The following BRPF1 variants were observed in gnomAD, a reference collection of about 807,000 sequenced individuals.
The protein encoded by BRPF1 is peregrin.
In BRPF1, 15 loss-of-function variants were observed where a neutral mutation model predicts 115.0. The ratio of observed to expected loss-of-function variants is 0.13; its 90% CI spans 0.09 to 0.20. The LOEUF is 0.20. Ranked by LOEUF, BRPF1 falls within the 10% of genes least tolerant of loss-of-function variation. The pLI is 1.00. For synonymous variants in BRPF1, 647 were observed against 619.8 expected (o/e 1.04, Z -0.65); for missense variants, 1,118 against 1,638.3 (o/e 0.68, Z 5.48).
At position 9,741,063 on chromosome 3, in the gene BRPF1, C is replaced by T. The variant is rs2077020856; in HGVS notation, c.1722+122C>T. 7 of 1,154,964 alleles carry T rather than the reference C, an allele frequency of 6.1e-6. No homozygotes were observed. The Admixed American group carries it at 9.0e-5, about 15-fold the overall frequency. The allele number at this position is 1,154,964 out of a possible 1,614,324, so 71.5% of individuals were successfully genotyped here. On this transcript the variant is annotated intron_variant, in intron 4 of 13. Coordinates refer to ENST00000383829, the MANE Select transcript of BRPF1 (RefSeq NM_001003694.2). ...CTCTTTCCTCCTTTAAGCTAGCCCT[C>T]AAACCAGGATCAGCATGGAATGTTC...
chr3:9,734,179 C>T lies in BRPF1; in HGVS notation c.39C>T (p.Asn13=), dbSNP rs2076900708. The T allele has an allele frequency of 1.9e-6, 3 of 1,612,416 alleles. No individual in the cohort carries two copies. Among genetic ancestry groups the T allele is most frequent in the Non-Finnish European group, 1.7e-6 (2 of 1,178,846 alleles). ...TTGATGTGAAGACTTTCTGCCACAA[C>T]TTGCGGGCGACTAAGCCACCATACG... ...VDFDVKTFCH[N]LRATKPPYEC... is the part of the protein sequence containing the mutation. The change falls in exon 2 of 14, where the codon AAC becomes AAT. Residue 13 remains asparagine (N), a synonymous_variant. Coordinates refer to ENST00000383829, the MANE Select transcript of BRPF1 (RefSeq NM_001003694.2). This position sits in a 1 kb window ranked among gnomAD's most constrained non-coding sequence, Gnocchi z 5.7.
At position 9,743,981 on chromosome 3, in the gene BRPF1, C is replaced by G. The variant is rs1297814913; in HGVS notation, c.2635+80C>G. ...GCACACACTCAACCCCTGCCATTCC[C>G]CAGGCAGAGGTCCCTCCTACACAGC... On this transcript the variant is annotated intron_variant, in intron 8 of 13. Transcript: ENST00000383829. The surrounding 1 kb of genome is among the most constrained non-coding windows in gnomAD (Gnocchi z 6.1). 4.8e-6 allele frequency: 7 copies of G among 1,458,508 alleles called. No homozygotes were observed. The highest frequency in any genetic ancestry group is 2.8e-5 in the South Asian group (2 of 72,242). 90.3% of individuals were successfully genotyped at this position (1,458,508 alleles called of 1,614,324 possible).
chr3:9,738,373 T>A (rs1263956377), intron 2 of BRPF1, among the ~76,000 whole-genome samples: 1 of 152,228 alleles, frequency 6.6e-6, no homozygotes, highest in Non-Finnish European at 1.5e-5. Flanking sequence ...AATGCCTGGC[T>A]CATAGGAAAT....
In BRPF1 at chr3:9,743,014, A is replaced by G. The variant is rs1405002436; in HGVS notation, c.2072A>G (p.Tyr691Cys). 6.2e-7 allele frequency: 1 copy of G among 1,614,218 alleles called. No individual in the cohort carries two copies. Among genetic ancestry groups the G allele is most frequent in the South Asian group, 1.1e-5 (1 of 91,082 alleles). Residue 691 changes from tyrosine to cysteine, a missense_variant, in exon 7 of 14, where the codon TAC (tyrosine) becomes TGC (cysteine). Physicochemically the swap from Tyr to Cys is radical, Grantham distance 194. Coordinates refer to ENST00000383829, the MANE Select transcript of BRPF1 (RefSeq NM_001003694.2). The surrounding 1 kb of genome is among the most constrained non-coding windows in gnomAD (Gnocchi z 6.1). ...FFTMKQNLEA[Y>C]RYLNFDDFEE... The stretch of plus-strand genomic sequence containing the variant: ...ACCATGAAGCAGAACTTGGAGGCTT[A>G]CCGCTACCTGAATTTTGATGATTTT...
At chr3:9,746,619 G>GT (rs2077131580) in intron 13 of BRPF1, among the ~76,000 whole-genome samples, 165 bp downstream of exon 13, 1 of 152,172 alleles carries the variant, frequency 6.6e-6, no homozygotes, top group Admixed American at 6.5e-5. Flanking sequence ...TGTCGACCAT[G>GT]TGTCTGAGAG....
Position 9,744,250 on chromosome 3 carries a change from C to T in BRPF1, c.2662C>T (p.Pro888Ser), listed in dbSNP as rs913757890. The T allele has an allele frequency of 1.3e-6, 2 of 1,564,356 alleles. No individual in the cohort carries two copies. The highest frequency in any genetic ancestry group is 1.7e-6 in the Non-Finnish European group (2 of 1,155,670). Residue 888 changes from proline (P) to serine (S), a missense_variant, in exon 9 of 14, where the codon CCC (proline) becomes TCC (serine). Transcript: ENST00000383829. Reference sequence around the variant, plus strand: ...CCTGGGTCCCAACATGTCCTCAACCCCCGCACATGAGGTGGGCAGGAGAAC... The same window carrying T: ...CCTGGGTCCCAACATGTCCTCAACCTCCGCACATGAGGTGGGCAGGAGAAC... Reference protein sequence around the residue: ...KGLGPNMSSTPAHEVGRRTSV... With the variant: ...KGLGPNMSSTSAHEVGRRTSV...
intron 2 of BRPF1, among the ~76,000 whole-genome samples, chr3:9,737,876 C>T (rs1422714356): frequency 6.6e-6 from 1 of 152,108 alleles, no homozygotes; most frequent in Non-Finnish European, 1.5e-5. Flanking sequence ...GTGGCCTATT[C>T]ATTTTTATAA....
Position 9,743,305 on chromosome 3 carries a change from G to A in BRPF1, c.2311+52G>A, listed in dbSNP as rs2077063558. 1 of 1,562,182 alleles carries A rather than the reference G, an allele frequency of 6.4e-7. No individual in the cohort carries two copies. The highest frequency in any genetic ancestry group is 8.7e-7 in the Non-Finnish European group (1 of 1,151,936). ...AAGAGGCCAATGCCGGGGATGGACAGCTTTCCAAAAGTCCCCTCCTGGGAG... is the reference window on the plus strand; with the variant it reads ...AAGAGGCCAATGCCGGGGATGGACAACTTTCCAAAAGTCCCCTCCTGGGAG... On this transcript the variant is annotated intron_variant, in intron 7 of 13. Transcript: ENST00000383829. This position sits in a 1 kb window ranked among gnomAD's most constrained non-coding sequence, Gnocchi z 6.1.
In BRPF1 at chr3:9,743,211, C is replaced by T. The variant is rs745434196; in HGVS notation, c.2269C>T (p.His757Tyr). ...IDFETGMHIP[H>Y]SLAGDEATHH... ...CTTTGAGACGGGCATGCATATCCCC[C>T]ACAGCCTGGCTGGAGATGAGGCCAC... The change falls in exon 7 of 14, where the codon CAC becomes TAC. Residue 757 changes from histidine to tyrosine, a missense_variant. Physicochemically the swap from His to Tyr is moderately conservative, Grantham distance 83. Around this residue, in one of 10 missense-constraint regions of BRPF1, gnomAD observed 223 missense variants for 240.7 expected, o/e 0.93. Coordinates refer to ENST00000383829, the MANE Select transcript of BRPF1 (RefSeq NM_001003694.2). The surrounding 1 kb of genome is among the most constrained non-coding windows in gnomAD (Gnocchi z 6.1). The T allele has an allele frequency of 1.9e-5, 31 of 1,614,182 alleles. No individual in the cohort carries two copies. In the South Asian group the frequency reaches 3.3e-4, roughly 17 times the overall value.
At chr3:9,736,699 C>T (rs1193513736) in intron 2 of BRPF1, among the ~76,000 whole-genome samples, 1 of 152,244 alleles carries the variant, frequency 6.6e-6, no homozygotes, top group Non-Finnish European at 1.5e-5. Context: ...ACACTGCAAA[C>T]AACTGAGATG....
At position 9,743,681 on chromosome 3, in the gene BRPF1, C is replaced by G. The variant is rs754531435; in HGVS notation, c.2415C>G (p.Ser805Arg). ...LLERLDEVNA[S>R]KQSVGRSRRA... is the part of the protein sequence containing the mutation. ...AGCGGCTGGACGAAGTGAATGCCAGCAAGCAGAGTGTGGGCCGCTCACGGC... is the reference window on the plus strand; with the variant it reads ...AGCGGCTGGACGAAGTGAATGCCAGGAAGCAGAGTGTGGGCCGCTCACGGC... The change falls in exon 8 of 14, where the codon AGC (serine) becomes AGG (arginine). Residue 805 changes from serine (S) to arginine (R), a missense_variant. Ser to Arg is a moderately radical substitution (Grantham distance 110, BLOSUM62 -1). This residue lies in a region of BRPF1 where 223 missense variants were observed against 240.7 expected (regional missense o/e 0.93). Transcript: ENST00000383829. This position sits in a 1 kb window ranked among gnomAD's most constrained non-coding sequence, Gnocchi z 6.1. 6 of 1,614,158 alleles carry G rather than the reference C, an allele frequency of 3.7e-6. No individual in the cohort carries two copies. The highest frequency in any genetic ancestry group is 1.6e-4 in the Middle Eastern group (1 of 6,062).
rs2077107852 is a variant in BRPF1 at position 9,745,494 on chromosome 3, T to C, written c.3069-79T>C. On this transcript the variant is annotated intron_variant, in intron 10 of 13. Transcript: ENST00000383829. The surrounding 1 kb of genome is among the most constrained non-coding windows in gnomAD (Gnocchi z 5.1). ...CCAAAAGTCTCAGACCCTGCGGGCT[T>C]TAAGAGCTGAGGGCACATACCATGC... The C allele has an allele frequency of 1.3e-6, 2 of 1,520,826 alleles. No homozygotes were observed. Among genetic ancestry groups the C allele is most frequent in the Non-Finnish European group, 1.8e-6 (2 of 1,102,966 alleles). The allele number at this position is 1,520,826 out of a possible 1,614,324, so 94.2% of individuals were successfully genotyped here.
chr3:9,740,892 G>A lies in BRPF1; in HGVS notation c.1673G>A (p.Arg558His), dbSNP rs1251241565. The change falls in exon 4 of 14, where the codon CGT becomes CAT. Residue 558 changes from arginine to histidine, a missense_variant. Arg to His is a conservative substitution (Grantham distance 29). Transcript: ENST00000383829. Reference protein sequence around the residue: ...RQSRNGVPLLRRLQTHLQSQR... With the variant: ...RQSRNGVPLLHRLQTHLQSQR... ...TCACGGAATGGGGTCCCATTGCTAC[G>A]TCGCCTGCAGACACACCTGCAATCT... The A allele has an allele frequency of 1.3e-5, 21 of 1,613,820 alleles. No individual in the cohort carries two copies. Among genetic ancestry groups the A allele is most frequent in the Non-Finnish European group, 1.7e-5 (20 of 1,180,030 alleles).
chr3:9,739,868 C>T lies in BRPF1; in HGVS notation c.1469C>T (p.Ser490Phe). 1.3e-6 allele frequency: 2 copies of T among 1,585,266 alleles called. No individual in the cohort carries two copies. The highest frequency in any genetic ancestry group is 1.7e-6 in the Non-Finnish European group (2 of 1,165,738). Residue 490 changes from serine to phenylalanine, a missense_variant, in exon 3 of 14, where the codon TCC (serine) becomes TTC (phenylalanine). By Grantham distance (155) the Ser-to-Phe change is radical. Coordinates refer to ENST00000383829, the MANE Select transcript of BRPF1 (RefSeq NM_001003694.2). ...SEKVKKAKAK[S>F]RIKMKKARKI... Reference sequence around the variant, plus strand: ...AAAGTCAAGAAGGCCAAGGCCAAGTCCCGGATCAAAATGAAGAAGGCACGG... The same window carrying T: ...AAAGTCAAGAAGGCCAAGGCCAAGTTCCGGATCAAAATGAAGAAGGCACGG...
Position 9,747,537 on chromosome 3 carries a change from C to T in BRPF1, c.*188C>T. On this transcript the variant is annotated 3_prime_UTR_variant, in exon 14 of 14. Coordinates refer to ENST00000383829, the MANE Select transcript of BRPF1 (RefSeq NM_001003694.2). This position sits in a 1 kb window ranked among gnomAD's most constrained non-coding sequence, Gnocchi z 5.6. ...TGGACTGTACAGAACACTCCAAGGG[C>T]CAATGGCAGTTCAGCGCAAGGAGAG... The T allele has an allele frequency of 1.7e-6, 1 of 572,318 alleles. No homozygotes were observed. Among genetic ancestry groups the T allele is most frequent in the South Asian group, 3.1e-5 (1 of 32,104 alleles). 35.5% of individuals were successfully genotyped at this position (572,318 alleles called of 1,614,324 possible). A position where few individuals can be genotyped will look rare whatever the true frequency, so the allele number is the denominator to read the frequency against.
At chr3:9,741,142 C>G (rs1435498846) in intron 4 of BRPF1, among the ~76,000 whole-genome samples, 166 bp from the exon 5 acceptor site, 8 of 152,116 alleles carry the variant, frequency 5.3e-5, no homozygotes, top group Admixed American at 5.2e-4. Context: ...AAACACATAC[C>G]AAGCATTTAT....
chr3:9,734,356 C>T lies in BRPF1; in HGVS notation c.216C>T (p.Asn72=), dbSNP rs1381597393. 9 of 1,614,014 alleles carry T rather than the reference C, an allele frequency of 5.6e-6. No homozygotes were observed. Among genetic ancestry groups the T allele is most frequent in the African/African-American group, 1.3e-5 (1 of 74,886 alleles). Residue 72 remains asparagine (N), a synonymous_variant, in exon 2 of 14, where the codon AAC becomes AAT. Transcript: ENST00000383829. The surrounding 1 kb of genome is among the most constrained non-coding windows in gnomAD (Gnocchi z 5.7). The part of the protein sequence containing the change: ...KKKGRQSRPA[N]KQSPSPSEVS... Reference sequence around the variant, plus strand: ...AGGGGCGCCAGTCACGCCCAGCCAACAAGCAGTCACCCAGCCCCTCAGAGG... The same window carrying T: ...AGGGGCGCCAGTCACGCCCAGCCAATAAGCAGTCACCCAGCCCCTCAGAGG...
In BRPF1 at chr3:9,741,914, T is replaced by A; in HGVS notation, c.1855-111T>A. 6 of 1,250,730 alleles carry A rather than the reference T, an allele frequency of 4.8e-6. No individual in the cohort carries two copies. In the South Asian group the frequency reaches 8.6e-5, roughly 18 times the overall value. 77.5% of individuals were successfully genotyped at this position (1,250,730 alleles called of 1,614,324 possible). A position where few individuals can be genotyped will look rare whatever the true frequency, so the allele number is the denominator to read the frequency against. On this transcript the variant is annotated intron_variant, in intron 5 of 13. Coordinates refer to ENST00000383829, the MANE Select transcript of BRPF1 (RefSeq NM_001003694.2). ...GTAGACCTGTATGAGTACACCCAGC[T>A]GTGAGGGTGGGAAAGAAGGCGGGTT...
Position 9,743,356 on chromosome 3 carries a change from A to G in BRPF1, c.2311+103A>G. The G allele has an allele frequency of 6.9e-7, 1 of 1,446,300 alleles. No homozygotes were observed. Among genetic ancestry groups the G allele is most frequent in the Non-Finnish European group, 9.3e-7 (1 of 1,079,186 alleles). 89.6% of individuals were successfully genotyped at this position (1,446,300 alleles called of 1,614,324 possible). A position where few individuals can be genotyped will look rare whatever the true frequency, so the allele number is the denominator to read the frequency against. On this transcript the variant is annotated intron_variant, in intron 7 of 13. Transcript: ENST00000383829. This position sits in a 1 kb window ranked among gnomAD's most constrained non-coding sequence, Gnocchi z 6.1. ...CAGGCAGTGTAGGCAGAAAGCAGCTAGGCTGAGCAGTGGCAAGCTATCCCC... is the reference window on the plus strand; with the variant it reads ...CAGGCAGTGTAGGCAGAAAGCAGCTGGGCTGAGCAGTGGCAAGCTATCCCC...
Sources: allele counts gnomAD v4.1 joint callset (sites outside exome capture counted in the v4.1 genomes callset), GRCh38; gene constraint gnomAD v4.1.1; regional missense constraint gnomAD v4.1.1; non-coding constraint Gnocchi (gnomAD v3.1); transcripts MANE v1.5; gene names NCBI Gene and HGNC (gene_info 2026-07-23, HGNC 2026-07-21).